The following MTUS2 variants were observed in gnomAD, a reference collection of about 807,000 sequenced individuals.
MTUS2 encodes microtubule-associated tumor suppressor candidate 2.
In MTUS2, 40 loss-of-function variants were observed where a neutral mutation model predicts 114.1. That is an observed-to-expected ratio of 0.35 (90% CI 0.27 to 0.46). The LOEUF is 0.46. Among genes scored for constraint, MTUS2 ranks in the 20% least tolerant of loss-of-function variants. The pLI is 1.00. For synonymous variants in MTUS2, 688 were observed against 672.0 expected (o/e 1.02, Z -0.37); for missense variants, 1,679 against 1,705.4 (o/e 0.98, Z 0.27).
intron 4 of MTUS2, among the ~76,000 whole-genome samples, chr13:29,045,984 C>T (rs1350195711): frequency 2.0e-5 from 3 of 152,166 alleles, no homozygotes; most frequent in African/African-American, 7.2e-5. Flanking sequence ...CCCATCTGGA[C>T]ACCCAGGCTT....
At chr13:29,326,655 A>G (rs948081487) in intron 7 of MTUS2, among the ~76,000 whole-genome samples, 2 of 152,198 alleles carry the variant, frequency 1.3e-5, no homozygotes, top group African/African-American at 4.8e-5. Flanking sequence ...AATGACTTAC[A>G]TGAACTATAC....
At chr13:28,958,868 A>C (rs1437195417) in intron 2 of MTUS2, among the ~76,000 whole-genome samples, 1 of 152,242 alleles carries the variant, frequency 6.6e-6, no homozygotes, top group Non-Finnish European at 1.5e-5. Context: ...GCAATGCATA[A>C]TTCACTTTAA....
intron 1 of MTUS2, among the ~76,000 whole-genome samples, chr13:28,837,454 A>G (rs1286973697): frequency 2.6e-5 from 4 of 152,094 alleles, no homozygotes; most frequent in South Asian, 2.1e-4. Context: ...ACAGTTGGTA[A>G]TTACCAGTGG....
At chr13:29,219,422 G>T (rs930894157) in intron 5 of MTUS2, among the ~76,000 whole-genome samples, 6 of 151,250 alleles carry the variant, frequency 4.0e-5, no homozygotes, top group Admixed American at 3.3e-4. Context: ...GAATAATGCC[G>T]CAATAAACAT....
At chr13:29,336,125 C>G (rs978784223) in intron 7 of MTUS2, among the ~76,000 whole-genome samples, 2 of 152,094 alleles carry the variant, frequency 1.3e-5, no homozygotes, top group Admixed American at 6.5e-5. Context: ...ACCTTGCCTT[C>G]TGAAGCCTAC....
chr13:29,132,731 C>G (rs1390325545), intron 5 of MTUS2, among the ~76,000 whole-genome samples: 2 of 152,244 alleles, frequency 1.3e-5, no homozygotes, highest in Admixed American at 1.3e-4. Context: ...TATGCATAGA[C>G]CATATTTTGT....
chr13:29,020,436 G>A (rs987347706), intron 2 of MTUS2, among the ~76,000 whole-genome samples: 1 of 152,136 alleles, frequency 6.6e-6, no homozygotes, highest in Non-Finnish European at 1.5e-5. Flanking sequence ...TTGAAATTTA[G>A]ATCCGGACAG....
intron 8 of MTUS2, chr13:29,428,926 C>G: frequency 6.2e-7 from 1 of 1,608,610 alleles, no homozygotes; most frequent in South Asian, 1.1e-5. Flanking sequence ...TCTTCTTCCC[C>G]CTCCTCCTTT....
chr13:28,969,953 G>C (rs1027259298), intron 2 of MTUS2, among the ~76,000 whole-genome samples: 11 of 152,258 alleles, frequency 7.2e-5, no homozygotes, highest in African/African-American at 2.6e-4. Flanking sequence ...GCTAATTTTT[G>C]TAATTTTAGT....
At chr13:29,068,018 T>G (rs151057767) in intron 4 of MTUS2, among the ~76,000 whole-genome samples, 1 of 152,342 alleles carries the variant, frequency 6.6e-6, no homozygotes, top group Non-Finnish European at 1.5e-5. Flanking sequence ...ATTTTACAAC[T>G]ATACTTTCTA....
intron 10 of MTUS2, among the ~76,000 whole-genome samples, chr13:29,481,561 T>G (rs761868592): frequency 1.3e-5 from 2 of 152,166 alleles, no homozygotes; most frequent in Non-Finnish European, 2.9e-5. Flanking sequence ...TAGTGTCGAG[T>G]GGCCTTCATT....
chr13:28,822,204 A>G (rs955104205), intron 1 of MTUS2, among the ~76,000 whole-genome samples: 1 of 152,220 alleles, frequency 6.6e-6, no homozygotes, highest in Admixed American at 6.5e-5. Flanking sequence ...TGTAATCCCA[A>G]ATATCCAAAT....
chr13:29,327,482 ATAAATGGAATCATTTAATATGTATGC>A (rs1470934034), intron 7 of MTUS2, among the ~76,000 whole-genome samples: 1 of 152,224 alleles, frequency 6.6e-6, no homozygotes, highest in African/African-American at 2.4e-5. Context: ...AAAATTTTAT[ATAAATGGAATCATTTAATATGTATGC>A]TAGTTTTACT....
intron 5 of MTUS2, among the ~76,000 whole-genome samples, chr13:29,270,240 G>A (rs1897830846): frequency 6.6e-6 from 1 of 152,154 alleles, no homozygotes; most frequent in African/African-American, 2.4e-5. Context: ...GCCTACCACA[G>A]GGACCTGCTA....
At chr13:29,292,647 T>C (rs369214556) in intron 6 of MTUS2, among the ~76,000 whole-genome samples, 6 of 152,258 alleles carry the variant, frequency 3.9e-5, no homozygotes, top group African/African-American at 1.4e-4. Flanking sequence ...TTAAATTAAA[T>C]ATAGTAAGTT....
intron 2 of MTUS2, among the ~76,000 whole-genome samples, chr13:28,994,207 C>T (rs1884986193): frequency 6.6e-6 from 1 of 151,030 alleles, no homozygotes; most frequent in African/African-American, 2.4e-5. Flanking sequence ...CAGCTTCATC[C>T]ATGTCCCTAC....
chr13:29,180,130 T>C (rs942888989), intron 5 of MTUS2, among the ~76,000 whole-genome samples: 5 of 152,248 alleles, frequency 3.3e-5, no homozygotes, highest in African/African-American at 1.2e-4. Context: ...TAAAACCCTC[T>C]TCTAAGGGGT....
At chr13:28,828,551 T>TG (rs1874432309) in intron 1 of MTUS2, among the ~76,000 whole-genome samples, 1 of 152,202 alleles carries the variant, frequency 6.6e-6, no homozygotes, top group Non-Finnish European at 1.5e-5. Flanking sequence ...ATTATTAATT[T>TG]GGGGAACTAA....
At position 29,000,077 on chromosome 13, in the gene MTUS2, A is replaced by C. The variant is rs541582263; in HGVS notation, c.-242-24380A>C. ...TGGTTACTGTGAATAGCACTGCAGT[A>C]AACTTGGGAGAGTAGATATGTTTTT... On this transcript the variant is annotated intron_variant, in intron 2 of 15. Transcript: ENST00000612955. 5.8e-4 allele frequency among the ~76,000 whole-genome samples: 89 copies of C among 152,348 alleles called. No homozygotes were observed. In the Middle Eastern group the frequency reaches 0.014, roughly 23 times the overall value.
Sources: allele counts gnomAD v4.1 joint callset (sites outside exome capture counted in the v4.1 genomes callset), GRCh38; gene constraint gnomAD v4.1.1; transcripts MANE v1.5; gene names NCBI Gene and HGNC (gene_info 2026-07-23, HGNC 2026-07-21).